Variants in LINGO2 observed in about 807,000 individuals in gnomAD.
The protein encoded by LINGO2 is leucine rich repeat and Ig domain containing 2.
Under a neutral mutation model 30.6 loss-of-function variants are expected in LINGO2, and 14 were observed. That is an observed-to-expected ratio of 0.46 (90% CI 0.30 to 0.72). The LOEUF (loss-of-function observed/expected upper bound fraction) is 0.72, where lower values mean the gene tolerates loss of function less well. Ranked by LOEUF, LINGO2 falls within the 30% of genes least tolerant of loss-of-function variation. The pLI is 0.07. For missense variants in LINGO2, 729 were observed against 751.7 expected (o/e 0.97, Z 0.35); for synonymous variants, 317 against 288.5 (o/e 1.10, Z -1.00).
chr9:28,434,155 C>T (rs1587668430), intron 2 of LINGO2, among the ~76,000 whole-genome samples: 1 of 151,468 alleles, frequency 6.6e-6, no homozygotes, highest in African/African-American at 2.4e-5. Flanking sequence ...GCTATGAGGA[C>T]TGCAAAGGCA....
intron 3 of LINGO2, among the ~76,000 whole-genome samples, chr9:28,340,230 A>G (rs1159879663): frequency 6.6e-6 from 1 of 152,166 alleles, no homozygotes; most frequent in Non-Finnish European, 1.5e-5. Context: ...AAGATGGACA[A>G]TTCATAACTC....
chr9:29,007,558 C>T, the LINGO2 span, among the ~76,000 whole-genome samples: 1 of 151,998 alleles, frequency 6.6e-6, no homozygotes, highest in Non-Finnish European at 1.5e-5. Context: ...CACTGAAGGC[C>T]TTTTTTTCTG....
At chr9:28,350,463 A>T (rs531552678) in intron 3 of LINGO2, among the ~76,000 whole-genome samples, 2,784 of 149,662 alleles carry the variant, frequency 0.019, 28 homozygotes, top group Non-Finnish European at 0.026. Flanking sequence ...TCCTAAATAT[A>T]TATGCACCCA....
At chr9:28,281,844 C>A (rs1202938200) in intron 4 of LINGO2, among the ~76,000 whole-genome samples, 1 of 152,040 alleles carries the variant, frequency 6.6e-6, no homozygotes, top group East Asian at 1.9e-4. Context: ...GCTGCAAATG[C>A]CTTCTTAGTA....
At chr9:28,964,107 C>T in the LINGO2 span, among the ~76,000 whole-genome samples, 24 of 150,984 alleles carry the variant, frequency 1.6e-4, no homozygotes, top group African/African-American at 2.2e-4. Context: ...TACACACACA[C>T]GCATATATAT....
intron 1 of LINGO2, among the ~76,000 whole-genome samples, chr9:28,644,810 T>C (rs1481952674): frequency 1.3e-5 from 2 of 152,012 alleles, no homozygotes; most frequent in African/African-American, 4.8e-5. Flanking sequence ...CATAAATATA[T>C]ATATCTACTA....
chr9:28,056,083 C>A (rs1301596319), intron 4 of LINGO2, among the ~76,000 whole-genome samples: 3 of 152,100 alleles, frequency 2.0e-5, no homozygotes, highest in Non-Finnish European at 4.4e-5. Context: ...AAAGGAGCTC[C>A]CCGCTTTCAG....
At chr9:29,123,231 A>G in the LINGO2 span, among the ~76,000 whole-genome samples, 5 of 152,140 alleles carry the variant, frequency 3.3e-5, no homozygotes, top group Admixed American at 3.3e-4. Context: ...ACTAGAATCA[A>G]CCTAAGAACT....
intron 3 of LINGO2, among the ~76,000 whole-genome samples, chr9:28,367,738 T>C (rs1221478558): frequency 6.6e-6 from 1 of 152,140 alleles, no homozygotes; most frequent in Middle Eastern, 3.2e-3. Flanking sequence ...AAGTTGTTAT[T>C]ATAGCATCAC....
intron 3 of LINGO2, among the ~76,000 whole-genome samples, chr9:28,365,308 C>G (rs1295259512): frequency 3.9e-5 from 6 of 152,096 alleles, no homozygotes; most frequent in Non-Finnish European, 5.9e-5. Context: ...GAAAATGTCA[C>G]CTGGGCCAGA....
the LINGO2 span, among the ~76,000 whole-genome samples, chr9:28,705,929 G>T: frequency 6.7e-6 from 1 of 148,290 alleles, no homozygotes; most frequent in East Asian, 2.0e-4. Flanking sequence ...AAGAGTGGTT[G>T]ATTTTTTTTT....
At chr9:28,768,100 T>A in the LINGO2 span, among the ~76,000 whole-genome samples, 1 of 152,190 alleles carries the variant, frequency 6.6e-6, no homozygotes, top group Non-Finnish European at 1.5e-5. Context: ...TATAAAGAGA[T>A]CTTCATTATA....
chr9:28,564,299 T>C (rs1180522335), intron 1 of LINGO2, among the ~76,000 whole-genome samples: 1 of 151,932 alleles, frequency 6.6e-6, no homozygotes, highest in Admixed American at 6.6e-5. Flanking sequence ...AAGATTAGAG[T>C]CATACATAAG....
chr9:28,058,070 A>G (rs1458536157), intron 4 of LINGO2, among the ~76,000 whole-genome samples: 1 of 152,136 alleles, frequency 6.6e-6, no homozygotes, highest in Non-Finnish European at 1.5e-5. Context: ...GACATTTAGT[A>G]AGTGCCCAAT....
chr9:29,163,401 T>C, the LINGO2 span, among the ~76,000 whole-genome samples: 12 of 152,198 alleles, frequency 7.9e-5, no homozygotes, highest in Non-Finnish European at 1.5e-4. Context: ...ATAATTTTAG[T>C]CTTCTATGTG....
intron 2 of LINGO2, among the ~76,000 whole-genome samples, chr9:28,430,995 G>A (rs1288021611): frequency 6.8e-6 from 1 of 147,270 alleles, no homozygotes; most frequent in Admixed American, 6.8e-5. Flanking sequence ...GAGCTTCTGA[G>A]AACATGATAA....
the LINGO2 span, among the ~76,000 whole-genome samples, chr9:28,820,484 G>A: frequency 1.1e-4 from 16 of 152,182 alleles, no homozygotes; most frequent in East Asian, 1.9e-4. Flanking sequence ...ATACATTGAC[G>A]TATGTCAAGC....
the LINGO2 span, among the ~76,000 whole-genome samples, chr9:28,984,437 C>A: frequency 6.6e-6 from 1 of 151,728 alleles, no homozygotes; most frequent in Non-Finnish European, 1.5e-5. Flanking sequence ...TTTTTTCTTA[C>A]CTCCCTCTTT....
At chr9:29,068,808 C>T in the LINGO2 span, among the ~76,000 whole-genome samples, 1 of 151,804 alleles carries the variant, frequency 6.6e-6, no homozygotes, top group African/African-American at 2.4e-5. Context: ...AATGGAAGCA[C>T]AAATATAGTA....
Sources: gnomAD v4.1 joint callset for allele counts (sites outside exome capture counted in the v4.1 genomes callset) on GRCh38, gnomAD v4.1.1 for gene constraint, MANE v1.5 for transcripts, NCBI Gene and HGNC (gene_info 2026-07-23, HGNC 2026-07-21) for gene names.